LRRC4C: variants seen among roughly 807,000 people sequenced by gnomAD.
The protein encoded by LRRC4C is leucine rich repeat containing 4C.
In LRRC4C, 5 loss-of-function variants were observed where a neutral mutation model predicts 33.6. That is an observed-to-expected ratio of 0.15 (90% CI 0.08 to 0.31). LRRC4C has a LOEUF of 0.31. Ranked by LOEUF, LRRC4C falls within the 10% of genes least tolerant of loss-of-function variation. LRRC4C has a pLI of 1.00. For missense variants in LRRC4C, 560 were observed against 796.7 expected (o/e 0.70, Z 3.58); for synonymous variants, 329 against 302.0 (o/e 1.09, Z -0.93).
chr11:41,448,122 G>GGTTTT lies in LRRC4C; in HGVS notation c.-496+11308_-496+11309insAAAAC, dbSNP rs1554934483. On this transcript the variant is annotated intron_variant, in intron 1 of 6. Transcript: ENST00000528697. ...ACAAACGAGGCTGCTGCACACGTCT[G>GGTTTT]TTTTTTTTTTTTTTTTTTTTGGAGC... is the stretch of plus-strand genomic sequence containing the variant. Among the ~76,000 whole-genome samples, 45 of 46,900 alleles carry GGTTTT rather than the reference G, an allele frequency of 9.6e-4. 3 individuals carry two copies. The highest frequency in any genetic ancestry group is 1.5e-3 in the Non-Finnish European group (34 of 22,910). The allele number at this position is 46,900 out of a possible 152,430, so 30.8% of individuals were successfully genotyped here.
chr11:40,287,131 A>T (rs58010047), intron 4 of LRRC4C, among the ~76,000 whole-genome samples: 1,815 of 152,260 alleles, frequency 0.012, 38 homozygotes, highest in African/African-American at 0.041. Flanking sequence ...CTAGAGAGGT[A>T]AGTTGAATTG....
At chr11:41,109,920 G>T (rs1353288958) in intron 1 of LRRC4C, among the ~76,000 whole-genome samples, 1 of 151,950 alleles carries the variant, frequency 6.6e-6, no homozygotes, top group Non-Finnish European at 1.5e-5. Flanking sequence ...TTTTCTTCGA[G>T]ATCATTTCTT....
At chr11:40,215,577 T>TGTTGGACAACTGTTGTCC (rs1863916466) in intron 5 of LRRC4C, among the ~76,000 whole-genome samples, 1 of 152,214 alleles carries the variant, frequency 6.6e-6, no homozygotes, top group African/African-American at 2.4e-5. Flanking sequence ...GTTGTCCAGA[T>TGTTGGACAACTGTTGTCC]AGCCCTTGGT....
chr11:41,040,217 C>T (rs906425864), intron 1 of LRRC4C, among the ~76,000 whole-genome samples: 2 of 151,072 alleles, frequency 1.3e-5, no homozygotes, highest in Non-Finnish European at 2.9e-5. Context: ...TGTGTATCCA[C>T]AGAGAGGTAT....
chr11:41,363,911 A>C (rs959885685), intron 1 of LRRC4C, among the ~76,000 whole-genome samples: 1 of 152,188 alleles, frequency 6.6e-6, no homozygotes, highest in Non-Finnish European at 1.5e-5. Flanking sequence ...ATTAGTCTCA[A>C]TTAATCTCAA....
chr11:41,147,409 G>T (rs1297454683), intron 1 of LRRC4C, among the ~76,000 whole-genome samples: 1 of 152,142 alleles, frequency 6.6e-6, no homozygotes, highest in Non-Finnish European at 1.5e-5. Flanking sequence ...TAATAAACCT[G>T]CACATGTACT....
At chr11:40,363,025 G>A (rs1318583177) in intron 3 of LRRC4C, among the ~76,000 whole-genome samples, 1 of 151,810 alleles carries the variant, frequency 6.6e-6, no homozygotes, top group East Asian at 1.9e-4. Context: ...AAAGAAAGAA[G>A]TACCATTCCA....
At chr11:41,256,615 A>G (rs1948809672) in intron 1 of LRRC4C, among the ~76,000 whole-genome samples, 1 of 152,006 alleles carries the variant, frequency 6.6e-6, no homozygotes, top group Non-Finnish European at 1.5e-5. Context: ...AGATCAACTC[A>G]TATGTAGAAA....
intron 1 of LRRC4C, among the ~76,000 whole-genome samples, chr11:40,934,454 C>G (rs1332692496): frequency 3.9e-5 from 6 of 152,176 alleles, no homozygotes. Flanking sequence ...CTGCCTTATT[C>G]AAATAACAGA....
chr11:40,665,364 G>A (rs9666278), intron 2 of LRRC4C, among the ~76,000 whole-genome samples: 3,178 of 21,552 alleles, frequency 0.15, 78 homozygotes, highest in Middle Eastern at 0.19. Context: ...ATATATATAT[G>A]TATATATATA....
At chr11:40,207,693 T>G (rs1440450788) in intron 5 of LRRC4C, among the ~76,000 whole-genome samples, 1 of 152,146 alleles carries the variant, frequency 6.6e-6, no homozygotes, top group Non-Finnish European at 1.5e-5. Flanking sequence ...GAACTTATTT[T>G]TAAGGAATTT....
chr11:40,372,206 A>G (rs1447858065), intron 3 of LRRC4C, among the ~76,000 whole-genome samples: 2 of 152,184 alleles, frequency 1.3e-5, no homozygotes, highest in South Asian at 2.1e-4. Flanking sequence ...AAATTATTCA[A>G]TGTCCATTTC....
intron 1 of LRRC4C, among the ~76,000 whole-genome samples, chr11:41,038,888 A>T (rs1565325429): frequency 6.6e-6 from 1 of 152,134 alleles, no homozygotes; most frequent in Non-Finnish European, 1.5e-5. Flanking sequence ...ACTTCCCCTC[A>T]TCCCTTCTCC....
chr11:40,640,380 A>G (rs1303167865), intron 3 of LRRC4C, among the ~76,000 whole-genome samples: 3 of 152,114 alleles, frequency 2.0e-5, no homozygotes, highest in Admixed American at 2.0e-4. Context: ...AAATTTTTAG[A>G]TTTGTCTTTT....
At chr11:41,076,174 C>T (rs1410361284) in intron 1 of LRRC4C, among the ~76,000 whole-genome samples, 1 of 152,170 alleles carries the variant, frequency 6.6e-6, no homozygotes, top group African/African-American at 2.4e-5. Context: ...TCTCCTGAAC[C>T]TCATATTCAA....
At chr11:40,908,075 C>G (rs1565190717) in intron 2 of LRRC4C, among the ~76,000 whole-genome samples, 1 of 151,998 alleles carries the variant, frequency 6.6e-6, no homozygotes, top group Non-Finnish European at 1.5e-5. Context: ...GATTTTTTTT[C>G]ACATTGAATA....
intron 2 of LRRC4C, among the ~76,000 whole-genome samples, chr11:40,792,852 C>G (rs1950681453): frequency 6.6e-6 from 1 of 151,960 alleles, no homozygotes; most frequent in African/African-American, 2.4e-5. Context: ...ATGGATGAAG[C>G]TGGAAACCAT....
intron 2 of LRRC4C, among the ~76,000 whole-genome samples, chr11:40,678,612 T>G (rs2136314013): frequency 6.6e-6 from 1 of 152,264 alleles, no homozygotes; most frequent in South Asian, 2.1e-4. Flanking sequence ...TTCTCCTTGC[T>G]GTTCTCATGA....
intron 5 of LRRC4C, among the ~76,000 whole-genome samples, chr11:40,206,041 C>T (rs780518449): frequency 1.3e-5 from 2 of 152,016 alleles, no homozygotes; most frequent in Admixed American, 6.6e-5. Flanking sequence ...TATGTACTGA[C>T]AGTACCTTGT....
Sources: allele counts gnomAD v4.1 joint callset (sites outside exome capture counted in the v4.1 genomes callset), GRCh38; gene constraint gnomAD v4.1.1; transcripts MANE v1.5; gene names NCBI Gene and HGNC (gene_info 2026-07-23, HGNC 2026-07-21).